The following VPS13A variants were observed in gnomAD, a reference collection of about 807,000 sequenced individuals.
The protein encoded by VPS13A is vacuolar protein sorting 13 homolog A.
VPS13A carries 264 observed loss-of-function variants against 390.9 expected under a neutral mutation model. The observed-to-expected ratio is 0.68, with a 90% confidence interval of 0.61 to 0.75. The LOEUF is 0.75. Among genes scored for constraint, VPS13A ranks in the 30% least tolerant of loss-of-function variants. The pLI is 0.00. For synonymous variants in VPS13A, 1,231 were observed against 1,227.1 expected (o/e 1.00, Z -0.07); for missense variants, 3,409 against 3,733.9 (o/e 0.91, Z 2.27).
At chr9:77,332,202 A>G (rs946931946) in intron 46 of VPS13A, 89 bp downstream of exon 46, 22 of 980,930 alleles carry the variant, frequency 2.2e-5, no homozygotes, top group Non-Finnish European at 3.5e-5. Context: ...GATCAAATCC[A>G]TCCTGCTAAT....
chr9:77,259,532 TTC>T (rs772216592), intron 22 of VPS13A, among the ~76,000 whole-genome samples: 3 of 151,396 alleles, frequency 2.0e-5, no homozygotes, highest in Admixed American at 6.6e-5. Flanking sequence ...AGTGAAAACT[TTC>T]TCTCTCTCTC....
intron 71 of VPS13A, 141 bp downstream of exon 71, chr9:77,407,748 G>T: frequency 1.4e-6 from 1 of 711,636 alleles, no homozygotes; most frequent in Non-Finnish European, 2.4e-6. Context: ...GGTTTTAAAA[G>T]TATATGTAAC....
chr9:77,218,980 A>C (rs982463840), intron 10 of VPS13A, among the ~76,000 whole-genome samples: 29 of 152,132 alleles, frequency 1.9e-4, no homozygotes, highest in African/African-American at 6.8e-4. Context: ...ACACTGACGA[A>C]GTGAGAAGTT....
At position 77,226,606 on chromosome 9, in the gene VPS13A, C is replaced by T; in HGVS notation, c.1357+8C>T. The T allele has an allele frequency of 6.2e-7, 1 of 1,611,244 alleles. No individual in the cohort carries two copies. Among genetic ancestry groups the T allele is most frequent in the Non-Finnish European group, 8.5e-7 (1 of 1,178,318 alleles). ...CAGATGTTCAACCTGAAAGTATGTC[C>T]ATTTCATTTTACAGCATAGTTAATC... On this transcript the variant is annotated splice_region_variant and intron_variant, in intron 15 of 71. Transcript: ENST00000360280.
At chr9:77,291,211 C>T (rs866833562) in intron 31 of VPS13A, among the ~76,000 whole-genome samples, 8 of 150,358 alleles carry the variant, frequency 5.3e-5, no homozygotes, top group African/African-American at 1.7e-4. Context: ...ACTGTGCATA[C>T]GCAGGATCTA....
In VPS13A at chr9:77,370,745, T is replaced by A. The variant is rs1031312911; in HGVS notation, c.8908-145T>A. 16 of 1,375,086 alleles carry A rather than the reference T, an allele frequency of 1.2e-5. No individual in the cohort carries two copies. In the African/African-American group the frequency reaches 2.0e-4, roughly 18 times the overall value. 85.2% of individuals were successfully genotyped at this position (1,375,086 alleles called of 1,614,324 possible). A position where few individuals can be genotyped will look rare whatever the true frequency, so the allele number is the denominator to read the frequency against. On this transcript the variant is annotated intron_variant, in intron 65 of 71. Transcript: ENST00000360280. The stretch of plus-strand genomic sequence containing the variant: ...AACATGTCAGTAGCCTCTAAAACAT[T>A]CTGTTTAAATAAAATACTTAGGAGA...
intron 34 of VPS13A, among the ~76,000 whole-genome samples, chr9:77,305,843 T>C (rs1374830174): frequency 6.6e-6 from 1 of 152,206 alleles, no homozygotes; most frequent in Non-Finnish European, 1.5e-5. Context: ...AGATTTTCAG[T>C]GGTTGCATAC....
intron 17 of VPS13A, among the ~76,000 whole-genome samples, chr9:77,230,169 A>C (rs1025463871): frequency 5.9e-5 from 9 of 151,716 alleles, no homozygotes; most frequent in African/African-American, 2.2e-4. Context: ...TCTTGATACA[A>C]ATCTCTTATT....
At chr9:77,200,318 C>T (rs1208991753) in intron 2 of VPS13A, among the ~76,000 whole-genome samples, 1 of 152,062 alleles carries the variant, frequency 6.6e-6, no homozygotes, top group Admixed American at 6.6e-5. Flanking sequence ...GAAACCCCAT[C>T]TCTACTAAAA....
chr9:77,371,488 C>T (rs1380660107), intron 67 of VPS13A, among the ~76,000 whole-genome samples: 1 of 152,080 alleles, frequency 6.6e-6, no homozygotes, highest in South Asian at 2.1e-4. Flanking sequence ...AGTATTAATG[C>T]ATTCATGGGG....
At chr9:77,249,285 TATA>T (rs1825015289) in intron 20 of VPS13A, among the ~76,000 whole-genome samples, 2 of 152,214 alleles carry the variant, frequency 1.3e-5, no homozygotes, top group Non-Finnish European at 2.9e-5. Flanking sequence ...GGTATATATT[TATA>T]ATAAAATTTA....
rs933573536 is a variant in VPS13A, at chr9:77,219,999, G to T, written c.800G>T (p.Arg267Leu). ...AATGCCAAACTTGTGATGAATCGCC[G>T]ATCTGATTTTGACTTTTCTGCCCCC... ...SANAKLVMNR[R>L]SDFDFSAPKI... The change falls in exon 11 of 72, where the codon CGA (arginine) becomes CTA (leucine). Residue 267 changes from arginine to leucine, a missense_variant. Coordinates refer to ENST00000360280, the MANE Select transcript of VPS13A (RefSeq NM_033305.3). 3 of 1,613,232 alleles carry T rather than the reference G, an allele frequency of 1.9e-6. No individual in the cohort carries two copies. The highest frequency in any genetic ancestry group is 1.1e-5 in the South Asian group (1 of 91,028).
At chr9:77,354,950 A>G (rs369987464) in intron 54 of VPS13A, among the ~76,000 whole-genome samples, 2 of 152,172 alleles carry the variant, frequency 1.3e-5, no homozygotes, top group Admixed American at 6.5e-5. Flanking sequence ...CCTCTTACCT[A>G]CTTGAGGACA....
At chr9:77,185,128 G>A (rs1448346211) in intron 1 of VPS13A, among the ~76,000 whole-genome samples, 4 of 151,776 alleles carry the variant, frequency 2.6e-5, no homozygotes, top group Non-Finnish European at 5.9e-5. Flanking sequence ...CCCTTACCAT[G>A]TGGGATATGA....
chr9:77,340,790 A>T (rs1830767753), intron 50 of VPS13A: 1 of 466,594 alleles, frequency 2.1e-6, no homozygotes, highest in South Asian at 2.3e-5. Context: ...ACAATTACTA[A>T]CCACTTTGGT....
At chr9:77,367,929 A>C (rs1210052843) in intron 61 of VPS13A, 126 bp from the exon 62 acceptor site, 1 of 860,954 alleles carries the variant, frequency 1.2e-6, no homozygotes, top group African/African-American at 1.7e-5. Context: ...CCTGATTGGC[A>C]TGGGAAAATG....
chr9:77,219,792 C>T (rs1421971512), intron 10 of VPS13A, among the ~76,000 whole-genome samples, 162 bp from the exon 11 acceptor site: 1 of 151,982 alleles, frequency 6.6e-6, no homozygotes, highest in Non-Finnish European at 1.5e-5. Context: ...AGAATCTTCT[C>T]CACACATGGT....
chr9:77,282,315 T>TA (rs1827080385), intron 29 of VPS13A, 41 bp downstream of exon 29: 3 of 1,481,764 alleles, frequency 2.0e-6, no homozygotes, highest in South Asian at 1.2e-5. Flanking sequence ...TTTTTTTTTT[T>TA]AACCATGTAG....
chr9:77,340,331 A>G (rs775312860), intron 49 of VPS13A, 49 bp downstream of exon 49: 2 of 1,598,344 alleles, frequency 1.3e-6, no homozygotes, highest in South Asian at 2.2e-5. Context: ...AAATGTTTCT[A>G]TTAACTACTT....
Sources: gnomAD v4.1 joint callset for allele counts (sites outside exome capture counted in the v4.1 genomes callset) on GRCh38, gnomAD v4.1.1 for gene constraint, MANE v1.5 for transcripts, NCBI Gene and HGNC (gene_info 2026-07-23, HGNC 2026-07-21) for gene names.